Variants in RIMS1 observed in about 807,000 individuals in gnomAD.
RIMS1 encodes regulating synaptic membrane exocytosis 1, also known as regulating synaptic membrane exocytosis protein 1.
In RIMS1, 83 loss-of-function variants were observed where a neutral mutation model predicts 214.1. The observed-to-expected ratio is 0.39, with a 90% CI of 0.32 to 0.47. The LOEUF (loss-of-function observed/expected upper bound fraction) is 0.47. RIMS1 is among the 20% of genes least tolerant of loss of function. The pLI is 0.99. For missense variants in RIMS1, 2,050 were observed against 2,161.8 expected (o/e 0.95, Z 1.03); for synonymous variants, 793 against 786.8 (o/e 1.01, Z -0.13).
At chr6:71,957,694 A>G (rs1348363258) in intron 1 of RIMS1, among the ~76,000 whole-genome samples, 2 of 150,596 alleles carry the variant, frequency 1.3e-5, no homozygotes, top group African/African-American at 5.0e-5. Context: ...AAATTATTTT[A>G]CAACCCTCAA....
chr6:71,946,773 A>T (rs75102144), intron 1 of RIMS1, among the ~76,000 whole-genome samples: 3,908 of 152,188 alleles, frequency 0.026, 71 homozygotes, highest in Non-Finnish European at 0.039. Flanking sequence ...GAAAGCAAAA[A>T]AAAAATAGAC....
chr6:72,305,352 T>C (rs2095050475), intron 26 of RIMS1, among the ~76,000 whole-genome samples: 1 of 152,108 alleles, frequency 6.6e-6, no homozygotes, highest in African/African-American at 2.4e-5. Flanking sequence ...AACATATTTT[T>C]AAATAAAGTT....
intron 4 of RIMS1, among the ~76,000 whole-genome samples, chr6:72,122,207 C>CTTTTTTT (rs34948011): frequency 7.3e-6 from 1 of 136,324 alleles, no homozygotes. Flanking sequence ...TTCCTTTTTT[C>CTTTTTTT]TTTTTTTTTT....
At chr6:71,955,957 G>A (rs913934672) in intron 1 of RIMS1, among the ~76,000 whole-genome samples, 1 of 151,974 alleles carries the variant, frequency 6.6e-6, no homozygotes, top group African/African-American at 2.4e-5. Flanking sequence ...GTTTTAATTG[G>A]CTAATTTACT....
At chr6:72,302,273 C>T (rs144376059) in intron 26 of RIMS1, among the ~76,000 whole-genome samples, 1 of 151,670 alleles carries the variant, frequency 6.6e-6, no homozygotes, top group African/African-American at 2.4e-5. Flanking sequence ...TCCATATAAA[C>T]AATTCCTATT....
intron 2 of RIMS1, among the ~76,000 whole-genome samples, chr6:72,041,168 A>G (rs1260056484): frequency 1.3e-5 from 2 of 151,940 alleles, no homozygotes; most frequent in Non-Finnish European, 2.9e-5. Flanking sequence ...TTGAAAAAAT[A>G]AACAAACTGA....
chr6:72,054,003 A>T (rs1401145416), intron 2 of RIMS1, among the ~76,000 whole-genome samples: 1 of 152,072 alleles, frequency 6.6e-6, no homozygotes, highest in Non-Finnish European at 1.5e-5. Flanking sequence ...GGTTTGCTGG[A>T]CCTATCAACC....
At chr6:71,996,135 T>G (rs746383379) in intron 2 of RIMS1, among the ~76,000 whole-genome samples, 1 of 152,138 alleles carries the variant, frequency 6.6e-6, no homozygotes. Flanking sequence ...TTAACCATAA[T>G]TTAACCATCT....
Position 72,183,130 on chromosome 6 carries a change from C to G in RIMS1, c.1659C>G (p.Ser553Arg). ...GCTGCGAGGACGTGGAGCTGGAGAG[C>G]GAGAGCGTCAGCGAGAAAGGTAAGG... ...YTSCEDVELESESVSEKGDLD... is the reference protein window; with the variant it reads ...YTSCEDVELERESVSEKGDLD... The change falls in exon 6 of 34, where the codon AGC becomes AGG. Residue 553 changes from serine to arginine, a missense_variant. Ser to Arg is a moderately radical substitution (Grantham distance 110). Around this residue, in one of 6 missense-constraint regions of RIMS1, gnomAD observed 882 missense variants for 828.9 expected, o/e 1.06. Transcript: ENST00000521978. 6.3e-7 allele frequency: 1 copy of G among 1,591,692 alleles called. No homozygotes were observed. Among genetic ancestry groups the G allele is most frequent in the Non-Finnish European group, 8.5e-7 (1 of 1,170,380 alleles).
chr6:71,975,636 T>G (rs1796934987), intron 2 of RIMS1, among the ~76,000 whole-genome samples: 1 of 152,110 alleles, frequency 6.6e-6, no homozygotes, highest in South Asian at 2.1e-4. Context: ...ATTTAGTGGT[T>G]TTCAAAAAGC....
intron 2 of RIMS1, among the ~76,000 whole-genome samples, chr6:71,996,803 G>C (rs558721951): frequency 6.6e-6 from 1 of 151,862 alleles, no homozygotes; most frequent in Non-Finnish European, 1.5e-5. Flanking sequence ...AGCATTTCCT[G>C]GGGAAAAAAA....
chr6:71,997,579 AG>A (rs1803847455), intron 2 of RIMS1, among the ~76,000 whole-genome samples: 1 of 152,212 alleles, frequency 6.6e-6, no homozygotes, highest in South Asian at 2.1e-4. Flanking sequence ...GTTTTGAAGG[AG>A]GTGTTATTGC....
At chr6:72,068,910 CAA>C (rs58411224) in intron 2 of RIMS1, among the ~76,000 whole-genome samples, 41 of 140,958 alleles carry the variant, frequency 2.9e-4, no homozygotes, top group Admixed American at 5.7e-4. Flanking sequence ...GACTCCGTCT[CAA>C]AAAAAAAAAA....
intron 6 of RIMS1, among the ~76,000 whole-genome samples, chr6:72,194,041 G>A (rs1225217595): frequency 6.6e-6 from 1 of 151,938 alleles, no homozygotes. Flanking sequence ...TAACCGAGGA[G>A]GTGAAAGATC....
chr6:72,233,273 A>G (rs1164375074), intron 6 of RIMS1, among the ~76,000 whole-genome samples: 1 of 151,788 alleles, frequency 6.6e-6, no homozygotes, highest in Non-Finnish European at 1.5e-5. Context: ...ATATTTATTT[A>G]CTCATCACTG....
intron 3 of RIMS1, 46 bp from the exon 4 acceptor site, chr6:72,099,925 TTTTC>T: frequency 6.4e-7 from 1 of 1,556,718 alleles, no homozygotes; most frequent in Non-Finnish European, 8.8e-7. Context: ...TTTGTTTTTC[TTTTC>T]TTTGTCTTCT....
intron 2 of RIMS1, among the ~76,000 whole-genome samples, chr6:72,056,480 C>A (rs760445247): frequency 1.3e-4 from 20 of 152,100 alleles, no homozygotes; most frequent in Non-Finnish European, 2.6e-4. Context: ...TAAAAGAATG[C>A]CTTATGCATT....
intron 4 of RIMS1, among the ~76,000 whole-genome samples, chr6:72,110,338 G>A (rs12200479): frequency 0.012 from 1,764 of 152,234 alleles, 17 homozygotes; most frequent in Non-Finnish European, 0.016. Flanking sequence ...CCATGAGCAT[G>A]GAATGTTCTT....
At chr6:72,259,142 T>C (rs776901175) in intron 18 of RIMS1, 31 bp downstream of exon 18, 22 of 1,595,590 alleles carry the variant, frequency 1.4e-5, no homozygotes, top group Non-Finnish European at 1.9e-5. Flanking sequence ...CTCAACGTTA[T>C]GAATTTTTTG....
Sources: gnomAD v4.1 joint callset for allele counts (sites outside exome capture counted in the v4.1 genomes callset) on GRCh38, gnomAD v4.1.1 for gene constraint, gnomAD v4.1.1 regional missense constraint, MANE v1.5 for transcripts, NCBI Gene and HGNC (gene_info 2026-07-23, HGNC 2026-07-21) for gene names.